Variants in TMEM161B observed in about 807,000 individuals in gnomAD.
The protein encoded by TMEM161B is transmembrane protein 161B.
TMEM161B carries 34 observed loss-of-function variants against 61.8 expected under a neutral mutation model. That is an observed-to-expected ratio of 0.55 (90% CI 0.42 to 0.73). The LOEUF (loss-of-function observed/expected upper bound fraction) is 0.73. TMEM161B is among the 30% of genes least tolerant of loss of function. The probability of loss-of-function intolerance (pLI) is 0.00; values close to 1 mark genes in which losing one functional copy is unlikely to be tolerated. For missense variants in TMEM161B, 456 were observed against 558.5 expected (o/e 0.82, Z 1.85); for synonymous variants, 167 against 192.8 (o/e 0.87, Z 1.11).
At chr5:88,248,723 AAAAAAAAACAACTTTTCCTC>A (rs1188546039) in intron 1 of TMEM161B, among the ~76,000 whole-genome samples, 2 of 151,908 alleles carry the variant, frequency 1.3e-5, no homozygotes, top group Admixed American at 6.6e-5. Flanking sequence ...AGAAAAAAAA[AAAAAAAAACAACTTTTCCTC>A]AAAAAAACAA....
At chr5:88,261,884 GAC>G (rs1174376330) in intron 1 of TMEM161B, among the ~76,000 whole-genome samples, 2 of 151,986 alleles carry the variant, frequency 1.3e-5, no homozygotes, top group East Asian at 3.9e-4. Context: ...CAACTTTTTA[GAC>G]ACAAAACCAA....
At chr5:88,266,416 A>G (rs1230603079) in intron 1 of TMEM161B, among the ~76,000 whole-genome samples, 1 of 152,232 alleles carries the variant, frequency 6.6e-6, no homozygotes, top group Non-Finnish European at 1.5e-5. Context: ...GCATGGAAAC[A>G]AAACAGTGGA....
chr5:88,190,229 G>C (rs778974498), downstream of TMEM161B: 53 of 701,064 alleles, frequency 7.6e-5, no homozygotes, highest in South Asian at 7.9e-4. Context: ...CTTGCATGCC[G>C]GGTGGAACGG....
intron 1 of TMEM161B, among the ~76,000 whole-genome samples, chr5:88,263,861 T>G (rs1756003810): frequency 6.6e-6 from 1 of 152,188 alleles, no homozygotes; most frequent in South Asian, 2.1e-4. Context: ...ATAACATTTT[T>G]TCAATTAGGC....
intron 2 of TMEM161B, among the ~76,000 whole-genome samples, chr5:88,237,153 T>A (rs868396062): frequency 6.6e-6 from 1 of 152,126 alleles, no homozygotes; most frequent in East Asian, 1.9e-4. Flanking sequence ...GGAGATAATA[T>A]CACCTATGGC....
chr5:88,227,104 A>G (rs117445287), intron 3 of TMEM161B, among the ~76,000 whole-genome samples: 4,613 of 152,226 alleles, frequency 0.03, 333 homozygotes, highest in East Asian at 0.19. Flanking sequence ...TGGGAAGATC[A>G]TTTGAGCCTA....
chr5:88,265,527 T>C (rs549749232), intron 1 of TMEM161B, among the ~76,000 whole-genome samples: 5 of 152,170 alleles, frequency 3.3e-5, no homozygotes, highest in South Asian at 2.1e-4. Flanking sequence ...TAATACTCAC[T>C]TGCCCACCAC....
Position 88,225,826 on chromosome 5 carries a change from G to A in TMEM161B, c.232C>T (p.Pro78Ser), listed in dbSNP as rs373144779. 8.2e-5 allele frequency: 132 copies of A among 1,611,094 alleles called. No individual in the cohort carries two copies. The highest frequency in any genetic ancestry group is 1.1e-4 in the Non-Finnish European group (128 of 1,178,770). The change falls in exon 4 of 12, where the codon CCA (proline) becomes TCA (serine). Residue 78 changes from proline to serine, a missense_variant. Around this residue, in one of 3 missense-constraint regions of TMEM161B, gnomAD observed 85 missense variants for 111.2 expected, o/e 0.76. Transcript: ENST00000296595. ...GHIESKPLTI[P>S]KDIDLHLETK... is the part of the protein sequence containing the mutation. ...TCTAGATGAAGGTCAATATCCTTTG[G>A]AATGGTTAATGGCTTACTTTCAATG...
intron 5 of TMEM161B, among the ~76,000 whole-genome samples, chr5:88,211,071 T>A (rs1365435901): frequency 6.6e-6 from 1 of 151,994 alleles, no homozygotes; most frequent in Non-Finnish European, 1.5e-5. Context: ...GCAACCCAGA[T>A]ACTGCAAGCC....
chr5:88,267,978 G>T (rs1394056169), intron 1 of TMEM161B, among the ~76,000 whole-genome samples: 1 of 151,950 alleles, frequency 6.6e-6, no homozygotes, highest in Non-Finnish European at 1.5e-5. Flanking sequence ...ATGGGCTCAG[G>T]GTAAAACATT....
At chr5:88,249,502 T>G (rs10214154) in intron 1 of TMEM161B, among the ~76,000 whole-genome samples, 111,389 of 151,754 alleles carry the variant, frequency 0.73, 40,929 homozygotes, top group Middle Eastern at 0.78. Context: ...TCTTTCAATC[T>G]TGCACGTAGT....
chr5:88,206,404 A>T, intron 7 of TMEM161B, 35 bp downstream of exon 7: 1 of 1,510,994 alleles, frequency 6.6e-7, no homozygotes, highest in Non-Finnish European at 9.0e-7. Context: ...AGAAAAGGTT[A>T]AATTTAAATA....
chr5:88,188,635 C>T (rs189030785), downstream of TMEM161B, among the ~76,000 whole-genome samples: 4 of 152,156 alleles, frequency 2.6e-5, no homozygotes, highest in East Asian at 3.9e-4. Context: ...CAGGACGAGC[C>T]GCAGAGAAAA....
chr5:88,266,678 C>T (rs1046211541), intron 1 of TMEM161B, among the ~76,000 whole-genome samples: 3 of 152,266 alleles, frequency 2.0e-5, no homozygotes, highest in African/African-American at 4.8e-5. Flanking sequence ...CCCAGCAATG[C>T]AAAACAAGTT....
downstream of TMEM161B, among the ~76,000 whole-genome samples, chr5:88,188,646 C>T (rs897366218): frequency 6.6e-6 from 1 of 152,132 alleles, no homozygotes; most frequent in Non-Finnish European, 1.5e-5. Context: ...GCAGAGAAAA[C>T]TCCTCAGACA....
intron 2 of TMEM161B, among the ~76,000 whole-genome samples, chr5:88,239,351 AAG>A (rs1301146395): frequency 6.6e-6 from 1 of 151,964 alleles, no homozygotes; most frequent in African/African-American, 2.4e-5. Flanking sequence ...CGCAATTCTC[AAG>A]AGAAAGTAAG....
chr5:88,247,047 TTGGGG>T (rs1400713740), intron 1 of TMEM161B, among the ~76,000 whole-genome samples: 1 of 151,980 alleles, frequency 6.6e-6, no homozygotes, highest in East Asian at 1.9e-4. Flanking sequence ...GGGTGAAACA[TTGGGG>T]TAACTTAGGT....
intron 5 of TMEM161B, among the ~76,000 whole-genome samples, chr5:88,212,987 A>C (rs556736480): frequency 6.6e-6 from 1 of 152,194 alleles, no homozygotes; most frequent in Non-Finnish European, 1.5e-5. Context: ...TTTCCACTCA[A>C]CTAAGTGATT....
At chr5:88,260,012 A>G (rs1755489846) in intron 1 of TMEM161B, among the ~76,000 whole-genome samples, 1 of 152,218 alleles carries the variant, frequency 6.6e-6, no homozygotes, top group African/African-American at 2.4e-5. Context: ...AATCTTGCTG[A>G]GCCTCCATTT....
Sources: allele counts gnomAD v4.1 joint callset (sites outside exome capture counted in the v4.1 genomes callset), GRCh38; gene constraint gnomAD v4.1.1; regional missense constraint gnomAD v4.1.1; transcripts MANE v1.5; gene names NCBI Gene and HGNC (gene_info 2026-07-23, HGNC 2026-07-21).